Variants in RTL9 observed in about 807,000 individuals in gnomAD.
The protein encoded by RTL9 is retrotransposon Gag-like protein 9.
In RTL9, 19 loss-of-function variants were observed where a neutral mutation model predicts 44.7. The ratio of observed to expected loss-of-function variants is 0.42; its 90% CI spans 0.30 to 0.62. RTL9 has a LOEUF of 0.62. Among genes scored for constraint, RTL9 ranks in the 20% least tolerant of loss-of-function variants. The pLI is 0.16. For missense variants in RTL9, 1,105 were observed against 1,080.6 expected, an observed-to-expected ratio of 1.02 and a Z score of -0.32; for synonymous variants, 407 against 398.9, an observed-to-expected ratio of 1.02 and a Z score of -0.24.
At chrX:110,422,834 T>C (rs888955821) in intron 1 of RTL9, among the ~76,000 whole-genome samples, 4 of 112,315 alleles carry the variant, frequency 3.6e-5, no homozygotes, top group Non-Finnish European at 7.5e-5. Context: ...AATGCTATTC[T>C]GTTGCCTTGG....
At chrX:110,435,754 C>T (rs913156337) in intron 1 of RTL9, among the ~76,000 whole-genome samples, 2 of 112,130 alleles carry the variant, frequency 1.8e-5, no homozygotes, top group Admixed American at 9.5e-5. Context: ...ATTTTACACT[C>T]ATCATCTCAT....
At chrX:110,407,088 G>A (rs138012164) in intron 1 of RTL9, among the ~76,000 whole-genome samples, 2 of 111,727 alleles carry the variant, frequency 1.8e-5, no homozygotes, top group East Asian at 5.6e-4. Flanking sequence ...TAACAATGCC[G>A]CCAACTTCAC....
At chrX:110,389,533 C>T (rs181843363) in intron 1 of RTL9, among the ~76,000 whole-genome samples, 1 of 112,039 alleles carries the variant, frequency 8.9e-6, no homozygotes, top group Admixed American at 9.4e-5. Context: ...GTAGCTCCAC[C>T]CAAAATAAGT....
chrX:110,455,435 C>T (rs771157197), exon 2 of RTL9: 5 of 949,306 alleles, frequency 5.3e-6, no homozygotes, highest in East Asian at 6.3e-5. Flanking sequence ...ACCCTTCAGC[C>T]TCCCGCTCCA....
At chrX:110,442,206 T>G (rs2068884738) in intron 1 of RTL9, among the ~76,000 whole-genome samples, 1 of 105,284 alleles carries the variant, frequency 9.5e-6, no homozygotes. Context: ...TATATTGGAA[T>G]TTGGATCGAA....
intron 1 of RTL9, among the ~76,000 whole-genome samples, chrX:110,398,789 T>C (rs181699797): frequency 6.0e-4 from 68 of 112,502 alleles, no homozygotes; most frequent in African/African-American, 2.1e-3. Context: ...CTTCCATAGA[T>C]CCATAGTATG....
At chrX:110,439,117 G>A (rs2068860603) in intron 1 of RTL9, among the ~76,000 whole-genome samples, 1 of 111,750 alleles carries the variant, frequency 8.9e-6, no homozygotes, top group Non-Finnish European at 1.9e-5. Flanking sequence ...GCTATTTTGA[G>A]GGGACTTCAG....
intron 1 of RTL9, among the ~76,000 whole-genome samples, chrX:110,410,835 A>G (rs2068637203): frequency 8.9e-6 from 1 of 112,338 alleles, no homozygotes; most frequent in African/African-American, 3.2e-5. Flanking sequence ...CCAAGCCACA[A>G]GCTTATCATT....
intron 1 of RTL9, chrX:110,426,855 G>A (rs1344862165): frequency 8.9e-6 from 1 of 111,938 alleles, no homozygotes; most frequent in African/African-American, 3.3e-5. Context: ...AATTCCCTGG[G>A]ACTATTGCTA....
intron 1 of RTL9, among the ~76,000 whole-genome samples, chrX:110,382,182 A>C (rs2068424760): frequency 8.9e-6 from 1 of 111,851 alleles, no homozygotes; most frequent in Non-Finnish European, 1.9e-5. Flanking sequence ...GTGAAAATTC[A>C]GAAGGCCATG....
intron 1 of RTL9, among the ~76,000 whole-genome samples, chrX:110,428,302 A>T (rs2068769146): frequency 8.9e-6 from 1 of 111,770 alleles, no homozygotes; most frequent in South Asian, 3.8e-4. Context: ...CTTAGCACAC[A>T]GGGCTATCAG....
intron 1 of RTL9, among the ~76,000 whole-genome samples, chrX:110,440,600 GT>G (rs996596670): frequency 8.9e-6 from 1 of 111,999 alleles, no homozygotes; most frequent in Non-Finnish European, 1.9e-5. Flanking sequence ...TAAGGATGCT[GT>G]TTTCATGCCC....
At chrX:110,451,999 G>A in exon 1 of RTL9, 2 of 1,211,808 alleles carry the variant, frequency 1.7e-6, no homozygotes, top group Non-Finnish European at 2.2e-6. Flanking sequence ...ACAGCCTCTA[G>A]AGTAATGTCC....
At chrX:110,388,613 G>A (rs2068474036) in intron 1 of RTL9, among the ~76,000 whole-genome samples, 1 of 112,382 alleles carries the variant, frequency 8.9e-6, no homozygotes, top group African/African-American at 3.2e-5. Context: ...TCTCAGGCGT[G>A]AGGATGCATC....
At chrX:110,374,481 TCAC>T (rs919235872) in intron 1 of RTL9, among the ~76,000 whole-genome samples, 2 of 112,067 alleles carry the variant, frequency 1.8e-5, no homozygotes, top group African/African-American at 3.2e-5. Context: ...TGTGACTGCA[TCAC>T]CACTATTGAT....
intron 1 of RTL9, among the ~76,000 whole-genome samples, chrX:110,402,567 G>A (rs1231553030): frequency 8.9e-6 from 1 of 112,503 alleles, no homozygotes; most frequent in Non-Finnish European, 1.9e-5. Context: ...ATTTTGCCTA[G>A]GGGCGAGCCC....
At chrX:110,374,569 A>C (rs1357496746) in intron 1 of RTL9, among the ~76,000 whole-genome samples, 1 of 112,218 alleles carries the variant, frequency 8.9e-6, no homozygotes. Context: ...GGTCCTCTTT[A>C]ACATGTACTT....
chrX:110,369,162 C>T (rs2068319412), intron 1 of RTL9, among the ~76,000 whole-genome samples: 1 of 110,943 alleles, frequency 9.0e-6, no homozygotes, highest in African/African-American at 3.3e-5. Context: ...GAAACCCCGT[C>T]TCTACTAAAA....
chrX:110,363,873 T>C (rs1452931963), intron 1 of RTL9, among the ~76,000 whole-genome samples: 2 of 111,904 alleles, frequency 1.8e-5, no homozygotes, highest in Non-Finnish European at 3.8e-5. Context: ...TATGATATCA[T>C]AGAATTCTAT....
Sources: allele counts gnomAD v4.1 joint callset (sites outside exome capture counted in the v4.1 genomes callset), GRCh38; gene constraint gnomAD v4.1.1; transcripts MANE v1.5; gene names NCBI Gene and HGNC (gene_info 2026-07-23, HGNC 2026-07-21).